CFDP1: variants seen among roughly 807,000 people sequenced by gnomAD.
CFDP1 encodes the protein chromatin remodeling protein CFDP1, also known as heterochromatin-stabilizing protein CFDP1.
CFDP1 carries 31 observed loss-of-function variants against 40.1 expected under a neutral mutation model. That is an observed-to-expected ratio of 0.77 (90% confidence interval 0.58 to 1.04). The LOEUF is 1.04. Ranked by LOEUF, CFDP1 falls within the 50% of genes least tolerant of loss-of-function variation. CFDP1 has a pLI of 0.00. For missense variants in CFDP1, 423 were observed against 343.4 expected (o/e 1.23, Z -1.83); for synonymous variants, 167 against 120.0 (o/e 1.39, Z -2.56).
chr16:75,326,537 G>A (rs1319196254), intron 5 of CFDP1, among the ~76,000 whole-genome samples: 1 of 152,224 alleles, frequency 6.6e-6, no homozygotes, highest in African/African-American at 2.4e-5. Context: ...GAATTATGCA[G>A]ACACAAACTT....
chr16:75,403,268 G>T (rs1409587411), intron 4 of CFDP1, among the ~76,000 whole-genome samples: 1 of 152,158 alleles, frequency 6.6e-6, no homozygotes, highest in Non-Finnish European at 1.5e-5. Context: ...ACCCAGGCTG[G>T]AGTTCAGTGG....
At chr16:75,401,622 C>T (rs571468438) in intron 4 of CFDP1, among the ~76,000 whole-genome samples, 3 of 152,094 alleles carry the variant, frequency 2.0e-5, no homozygotes, top group Non-Finnish European at 2.9e-5. Context: ...AAAAGATTCA[C>T]ATCAAGGCAA....
At chr16:75,374,074 G>A (rs1020562215) in intron 5 of CFDP1, among the ~76,000 whole-genome samples, 15 of 151,848 alleles carry the variant, frequency 9.9e-5, no homozygotes, top group Non-Finnish European at 1.8e-4. Flanking sequence ...CCAACATGAC[G>A]AAATCCCATC....
intron 5 of CFDP1, among the ~76,000 whole-genome samples, chr16:75,311,278 T>A (rs2078291270): frequency 6.6e-6 from 1 of 152,190 alleles, no homozygotes; most frequent in African/African-American, 2.4e-5. Flanking sequence ...TAGCTGGGAC[T>A]ATAGACATAT....
rs1289851694 is a variant in CFDP1 at position 75,294,543 on chromosome 16, A to C, written c.810-501T>G. On this transcript the variant is annotated intron_variant, in intron 6 of 6. Coordinates refer to ENST00000283882, the MANE Select transcript of CFDP1 (RefSeq NM_006324.3). The stretch of plus-strand genomic sequence containing the variant: ...GGGGCATGTGGTAATGAAGGAAAGA[A>C]GACAGTAAAAATGACCTCACAGGAC... 2.6e-5 allele frequency among the ~76,000 whole-genome samples: 4 copies of C among 152,208 alleles called. No homozygotes were observed. In the East Asian group the frequency reaches 7.7e-4, roughly 29 times the overall value.
Position 75,329,060 on chromosome 16 carries a change from G to A in CFDP1, c.651-23878C>T, listed in dbSNP as rs12935491. On this transcript the variant is annotated intron_variant, in intron 5 of 6. Transcript: ENST00000283882. ...GACGGGGTTTCTCCATGTTGGTCAG[G>A]CTGGTCTCGAACTCCTGACCTCAGG... Among the ~76,000 whole-genome samples, 2 of 151,816 alleles carry A rather than the reference G, an allele frequency of 1.3e-5. 1 individual carries two copies. Among genetic ancestry groups the A allele is most frequent in the East Asian group, 3.9e-4 (2 of 5,170 alleles).
At chr16:75,328,725 C>T (rs1250852685) in intron 5 of CFDP1, among the ~76,000 whole-genome samples, 1 of 149,684 alleles carries the variant, frequency 6.7e-6, no homozygotes, top group African/African-American at 2.5e-5. Context: ...GTCACCCAGG[C>T]TGGAGTACAG....
intron 5 of CFDP1, among the ~76,000 whole-genome samples, chr16:75,364,001 G>A (rs1229307601): frequency 8.9e-5 from 13 of 145,988 alleles, no homozygotes; most frequent in South Asian, 2.2e-4. Context: ...TGAGGTAAGT[G>A]CTACAGAAAA....
intron 5 of CFDP1, among the ~76,000 whole-genome samples, chr16:75,378,686 A>G (rs2078824258): frequency 6.6e-6 from 1 of 152,194 alleles, no homozygotes; most frequent in Non-Finnish European, 1.5e-5. Flanking sequence ...AAGGCTATTA[A>G]ACAAATGCAG....
In CFDP1 at chr16:75,388,943, T is replaced by C. The variant is rs533588526; in HGVS notation, c.650+6147A>G. On this transcript the variant is annotated intron_variant, in intron 5 of 6. Coordinates refer to ENST00000283882, the MANE Select transcript of CFDP1 (RefSeq NM_006324.3). The stretch of plus-strand genomic sequence containing the variant: ...GCCTTTTTTTTTTTTTTCCACTCCA[T>C]AGATCAAGAAAACAAGGCTAAAACT... Among the ~76,000 whole-genome samples the C allele has an allele frequency of 5.7e-4, 86 of 151,358 alleles. 2 individuals carry two copies. The South Asian group carries it at 0.015, about 26-fold the overall frequency.
chr16:75,379,365 C>A (rs1200647007), intron 5 of CFDP1, among the ~76,000 whole-genome samples: 1 of 151,212 alleles, frequency 6.6e-6, no homozygotes, highest in African/African-American at 2.4e-5. Context: ...AGAGAAGGCA[C>A]AAATTACCAA....
intron 4 of CFDP1, among the ~76,000 whole-genome samples, chr16:75,399,906 A>G (rs2079034200): frequency 6.6e-6 from 1 of 152,078 alleles, no homozygotes. Flanking sequence ...GTTCGAGACC[A>G]GCCTGATCAA....
chr16:75,361,046 A>G (rs11640674), intron 5 of CFDP1, among the ~76,000 whole-genome samples: 79,291 of 151,818 alleles, frequency 0.52, 21,686 homozygotes, highest in Admixed American at 0.64. Context: ...GTCTTACTCT[A>G]TGGCCCAGGC....
At chr16:75,379,042 C>T (rs765464496) in intron 5 of CFDP1, among the ~76,000 whole-genome samples, 28 of 151,584 alleles carry the variant, frequency 1.8e-4, no homozygotes, top group Middle Eastern at 3.4e-3. Flanking sequence ...AAATAATGAA[C>T]GGAATAAAAT....
At chr16:75,397,932 C>G (rs11149824) in intron 4 of CFDP1, among the ~76,000 whole-genome samples, 78,851 of 152,152 alleles carry the variant, frequency 0.52, 21,519 homozygotes, top group Admixed American at 0.64. Context: ...CTGAGAGGAA[C>G]AGAAGCTTAA....
At chr16:75,354,549 T>C (rs1233831738) in intron 5 of CFDP1, among the ~76,000 whole-genome samples, 2 of 152,200 alleles carry the variant, frequency 1.3e-5, no homozygotes. Flanking sequence ...AAAAACATGA[T>C]GGCACTGTTA....
At chr16:75,423,722 G>A (rs2079305039) in intron 1 of CFDP1, among the ~76,000 whole-genome samples, 1 of 152,138 alleles carries the variant, frequency 6.6e-6, no homozygotes, top group African/African-American at 2.4e-5. Flanking sequence ...CACCACGTTA[G>A]CCAGGATGGT....
intron 6 of CFDP1, among the ~76,000 whole-genome samples, chr16:75,304,035 C>T (rs2078241411): frequency 6.7e-6 from 1 of 148,902 alleles, no homozygotes; most frequent in South Asian, 2.2e-4. Context: ...TACTTATGAA[C>T]ACCTTTTCTT....
intron 1 of CFDP1, among the ~76,000 whole-genome samples, chr16:75,418,829 T>C (rs911413209): frequency 1.2e-4 from 18 of 151,680 alleles, no homozygotes; most frequent in Middle Eastern, 3.4e-3. Flanking sequence ...AGGAAGCTAT[T>C]TAAAAATAAC....
Sources: allele counts gnomAD v4.1 joint callset (sites outside exome capture counted in the v4.1 genomes callset), GRCh38; gene constraint gnomAD v4.1.1; transcripts MANE v1.5; gene names NCBI Gene and HGNC (gene_info 2026-07-23, HGNC 2026-07-21).